Variants in ZNF675 observed in about 807,000 individuals in gnomAD.
The protein encoded by ZNF675 is zinc finger protein 675, also known as TRAF6 inhibitory zinc finger.
In ZNF675, 36 loss-of-function variants were observed where a neutral mutation model predicts 56.1. The observed-to-expected ratio is 0.64, with a 90% CI of 0.49 to 0.85. ZNF675 has a LOEUF of 0.85. Ranked by LOEUF, ZNF675 falls within the 40% of genes least tolerant of loss-of-function variation. The probability of loss-of-function intolerance (pLI) is 0.00; values close to 1 mark genes in which losing one functional copy is unlikely to be tolerated. For missense variants in ZNF675, 663 were observed against 654.2 expected (o/e 1.01, Z -0.15); for synonymous variants, 200 against 218.9 (o/e 0.91, Z 0.76).
Position 23,687,140 on chromosome 19 carries a change from T to G in ZNF675, c.-107A>C. 7 of 1,352,072 alleles carry G rather than the reference T, an allele frequency of 5.2e-6. No individual in the cohort carries two copies. Among genetic ancestry groups the G allele is most frequent in the Non-Finnish European group, 2.1e-6 (2 of 956,518 alleles). 83.8% of individuals were successfully genotyped at this position (1,352,072 alleles called of 1,614,324 possible). On this transcript the variant is annotated 5_prime_UTR_variant, in exon 1 of 4. Coordinates refer to ENST00000359788, the MANE Select transcript of ZNF675 (RefSeq NM_138330.3). ...TCTAGGAGCAGAGGACACAGAGCAA[T>G]GAAAGCGAGACCTGGAGCTCCGGCT... is the stretch of plus-strand genomic sequence containing the variant.
In ZNF675 at chr19:23,687,132, CAG is replaced by C. The variant is rs1233112126; in HGVS notation, c.-101_-100del. ...GCTGGACCTCTAGGAGCAGAGGACA[CAG>C]AGCAATGAAAGCGAGACCTGGAGCT... On this transcript the variant is annotated 5_prime_UTR_variant, in exon 1 of 4. An upstream open reading frame in the 5' UTR loses its in-frame stop. Coordinates refer to ENST00000359788, the MANE Select transcript of ZNF675 (RefSeq NM_138330.3). 16 of 1,479,798 alleles carry C rather than the reference CAG, an allele frequency of 1.1e-5. No individual in the cohort carries two copies. Among genetic ancestry groups the C allele is most frequent in the Middle Eastern group, 1.7e-4 (1 of 5,772 alleles). 91.7% of individuals were successfully genotyped at this position (1,479,798 alleles called of 1,614,324 possible).
intron 1 of ZNF675, among the ~76,000 whole-genome samples, chr19:23,675,639 CT>C (rs1307512144): frequency 6.6e-6 from 1 of 151,624 alleles, no homozygotes; most frequent in African/African-American, 2.4e-5. Flanking sequence ...AAATCAAGTT[CT>C]TTAAAATAAA....
chr19:23,657,863 G>A (rs1307053039), intron 3 of ZNF675, among the ~76,000 whole-genome samples: 1 of 152,060 alleles, frequency 6.6e-6, no homozygotes, highest in Non-Finnish European at 1.5e-5. Flanking sequence ...TATGTAATCT[G>A]ATTGGGATAG....
In ZNF675 at chr19:23,680,356, TAA is replaced by T. The variant is rs1038828272; in HGVS notation, c.3+6673_3+6674del. 4.1e-4 allele frequency among the ~76,000 whole-genome samples: 62 copies of T among 151,660 alleles called. 2 individuals are homozygous for T. The highest frequency in any genetic ancestry group is 1.5e-3 in the African/African-American group (60 of 41,018). On this transcript the variant is annotated intron_variant, in intron 1 of 3. Coordinates refer to ENST00000359788, the MANE Select transcript of ZNF675 (RefSeq NM_138330.3). The stretch of plus-strand genomic sequence containing the variant: ...AACATCATGGAACACTGTGTGGCCA[TAA>T]AAAGAGACCAAGATCATTTCTTTTG...
intron 1 of ZNF675, among the ~76,000 whole-genome samples, chr19:23,668,432 T>C (rs956910865): frequency 2.6e-5 from 4 of 152,254 alleles, no homozygotes; most frequent in Non-Finnish European, 5.9e-5. Context: ...ACTCTCCACG[T>C]ACCCACCAGA....
chr19:23,668,752 C>T (rs1968189083), intron 1 of ZNF675, among the ~76,000 whole-genome samples: 1 of 152,228 alleles, frequency 6.6e-6, no homozygotes, highest in Non-Finnish European at 1.5e-5. Context: ...AGTACACCCT[C>T]CGCAGCCGCT....
chr19:23,654,794 A>G, intron 3 of ZNF675, 88 bp from the exon 4 acceptor site: 1 of 1,111,962 alleles, frequency 9.0e-7, no homozygotes, highest in Non-Finnish European at 1.2e-6. Context: ...CAAACTACAT[A>G]AGCAAGATGG....
intron 1 of ZNF675, 82 bp downstream of exon 1, chr19:23,686,949 G>A (rs1350455161): frequency 1.3e-6 from 2 of 1,539,248 alleles, no homozygotes; most frequent in East Asian, 2.2e-5. Flanking sequence ...CTGCGGGGAG[G>A]CCTGAGTCCC....
Position 23,654,707 on chromosome 19 carries a change from C to G in ZNF675, c.227-1G>C. ...TCTTGGGCAAAATGAGAACACATTA[C>G]TGAAAGAAATAAAAATAACACATTA... On this transcript the variant is annotated splice_acceptor_variant, in intron 3 of 3. Coordinates refer to ENST00000359788, the MANE Select transcript of ZNF675 (RefSeq NM_138330.3). LOFTEE classifies it high-confidence loss of function. 1 of 1,511,806 alleles carries G rather than the reference C, an allele frequency of 6.6e-7. No homozygotes were observed. Among genetic ancestry groups the G allele is most frequent in the Non-Finnish European group, 8.8e-7 (1 of 1,132,010 alleles). 93.6% of individuals were successfully genotyped at this position (1,511,806 alleles called of 1,614,324 possible).
rs947395855 is a variant in ZNF675, at chr19:23,678,937, C to A, written c.3+8094G>T. On this transcript the variant is annotated intron_variant, in intron 1 of 3. Coordinates refer to ENST00000359788, the MANE Select transcript of ZNF675 (RefSeq NM_138330.3). ...ATCCCAGCACTTTGGAAGGCCGAGGCGGGTGGATCACGAAGTCAGGAGATC... is the reference window on the plus strand; with the variant it reads ...ATCCCAGCACTTTGGAAGGCCGAGGAGGGTGGATCACGAAGTCAGGAGATC... 7.9e-5 allele frequency among the ~76,000 whole-genome samples: 12 copies of A among 151,500 alleles called. 1 individual carries two copies. Among genetic ancestry groups the A allele is most frequent in the Admixed American group, 6.6e-4 (10 of 15,230 alleles).
chr19:23,683,561 A>G (rs980118068), intron 1 of ZNF675, among the ~76,000 whole-genome samples: 3 of 152,086 alleles, frequency 2.0e-5, no homozygotes, highest in African/African-American at 7.2e-5. Context: ...AGCTGGGACT[A>G]CAGGCACGTG....
Position 23,653,189 on chromosome 19 carries a change from A to G in ZNF675, c.*37T>C. The stretch of plus-strand genomic sequence containing the variant: ...ATTTTTCACCAGTATGATTTCCTTT[A>G]TATTTAGAAAAATTTGAGGTGTTGT... On this transcript the variant is annotated 3_prime_UTR_variant, in exon 4 of 4. Transcript: ENST00000359788. 3.3e-6 allele frequency: 5 copies of G among 1,524,130 alleles called. No individual in the cohort carries two copies. Among genetic ancestry groups the G allele is most frequent in the Admixed American group, 2.2e-5 (1 of 45,812 alleles). The allele number at this position is 1,524,130 out of a possible 1,614,324, so 94.4% of individuals were successfully genotyped here.
intron 3 of ZNF675, chr19:23,656,266 T>G (rs999686973): frequency 6.6e-6 from 1 of 152,204 alleles, no homozygotes; most frequent in African/African-American, 2.4e-5. Flanking sequence ...TTCAAAAATG[T>G]CAATGCAACC....
rs1262950421 is a variant in ZNF675 at position 23,654,218 on chromosome 19, G to A, written c.715C>T (p.Gln239Ter). 1.2e-6 allele frequency: 2 copies of A among 1,613,814 alleles called. No homozygotes were observed. The highest frequency in any genetic ancestry group is 1.7e-6 in the Non-Finnish European group (2 of 1,179,954). Residue 239 changes from glutamine (Q) to a stop codon, truncating the protein, a stop_gained, in exon 4 of 4, where the codon CAA (glutamine) becomes TAA (stop). Coordinates refer to ENST00000359788, the MANE Select transcript of ZNF675 (RefSeq NM_138330.3). LOFTEE classifies it high-confidence loss of function. ...TTATATTCAGTAAGGTTTGAGAATT[G>A]GTTAAAAGTTCTGTCACATTCTTGA... ...KCQECDRTFN[Q>*]FSNLTEYKKD...
Position 23,652,997 on chromosome 19 carries a change from C to T in ZNF675, c.*229G>A. On this transcript the variant is annotated 3_prime_UTR_variant, in exon 4 of 4. Transcript: ENST00000359788. ...CTATTTTACACTCTTTATATTTGTA[C>T]AATTTTTCTTAAGTATAAACGCTTT... 4 of 406,058 alleles carry T rather than the reference C, an allele frequency of 9.9e-6. No homozygotes were observed. The highest frequency in any genetic ancestry group is 1.7e-5 in the Non-Finnish European group (4 of 231,062). 25.2% of individuals were successfully genotyped at this position (406,058 alleles called of 1,614,324 possible).
chr19:23,678,827 A>G (rs1430807174), intron 1 of ZNF675, among the ~76,000 whole-genome samples: 2 of 151,644 alleles, frequency 1.3e-5, no homozygotes, highest in Admixed American at 1.3e-4. Context: ...ATACAGGAAT[A>G]ATTTCCTATT....
At chr19:23,677,598 C>G (rs1156792775) in intron 1 of ZNF675, among the ~76,000 whole-genome samples, 1 of 149,678 alleles carries the variant, frequency 6.7e-6, no homozygotes, top group Admixed American at 6.7e-5. Context: ...CCCAGCTACT[C>G]AGGAGGCTGA....
intron 1 of ZNF675, among the ~76,000 whole-genome samples, chr19:23,674,279 G>A (rs777784629): frequency 3.3e-5 from 5 of 151,882 alleles, no homozygotes; most frequent in African/African-American, 4.9e-5. Flanking sequence ...TTATTTACCT[G>A]TTAATATGAT....
At chr19:23,666,103 C>T (rs1424193084) in intron 1 of ZNF675, among the ~76,000 whole-genome samples, 1 of 152,146 alleles carries the variant, frequency 6.6e-6, no homozygotes. Flanking sequence ...CATTTCACAC[C>T]GAATTCCTAG....
Sources: allele counts gnomAD v4.1 joint callset (sites outside exome capture counted in the v4.1 genomes callset), GRCh38; gene constraint gnomAD v4.1.1; transcripts MANE v1.5; gene names NCBI Gene and HGNC (gene_info 2026-07-23, HGNC 2026-07-21).